The following HPRT1 variants were observed in gnomAD, a reference collection of about 807,000 sequenced individuals.
HPRT1 encodes the protein hypoxanthine phosphoribosyltransferase 1.
In HPRT1, 4 loss-of-function variants were observed where a neutral mutation model predicts 19.0. That is an observed-to-expected ratio of 0.21 (90% CI 0.10 to 0.48). HPRT1 has a LOEUF of 0.48. Ranked by LOEUF, HPRT1 falls within the 20% of genes least tolerant of loss-of-function variation. The pLI is 0.98. For synonymous variants in HPRT1, 53 were observed against 54.9 expected, an observed-to-expected ratio of 0.97 and a Z score of 0.15; for missense variants, 65 against 164.0, an observed-to-expected ratio of 0.40 and a Z score of 3.30.
chrX:134,491,551 G>A lies in HPRT1; in HGVS notation c.402+1346G>A, dbSNP rs181906737. Among the ~76,000 whole-genome samples, 328 of 110,302 alleles carry A rather than the reference G, an allele frequency of 3.0e-3. 1 individual carries two copies. The highest frequency in any genetic ancestry group is 4.7e-3 in the Middle Eastern group (1 of 213). On this transcript the variant is annotated intron_variant, in intron 5 of 8. Coordinates refer to ENST00000298556, the MANE Select transcript of HPRT1 (RefSeq NM_000194.3). ...TTACATTTTTGTTATCCATTCACTG[G>A]TTGACAGACGTTAGGTTGTTTCCAC...
chrX:134,495,325 G>T (rs1040654141), intron 6 of HPRT1, among the ~76,000 whole-genome samples: 1 of 111,070 alleles, frequency 9.0e-6, no homozygotes, highest in African/African-American at 3.3e-5. Context: ...GTTTAGTCTC[G>T]CATTTCACTG....
chrX:134,472,497 A>G (rs915698155), intron 1 of HPRT1, among the ~76,000 whole-genome samples: 1 of 112,155 alleles, frequency 8.9e-6, no homozygotes, highest in African/African-American at 3.2e-5. Flanking sequence ...AGGAAATTCC[A>G]TATCTTATCA....
Position 134,476,715 on chromosome X carries a change from A to G in HPRT1, c.318+1351A>G, listed in dbSNP as rs909058527. Among the ~76,000 whole-genome samples, 7 of 112,148 alleles carry G rather than the reference A, an allele frequency of 6.2e-5. No homozygotes were observed. In the Admixed American group the frequency reaches 6.7e-4, roughly 11 times the overall value. ...TGCAGAATGTTATTTTAGATAAGCA[A>G]AAACGAGCAAAATAGGGGAGTTTAA... is the stretch of plus-strand genomic sequence containing the variant. On this transcript the variant is annotated intron_variant, in intron 3 of 8. Coordinates refer to ENST00000298556, the MANE Select transcript of HPRT1 (RefSeq NM_000194.3).
intron 6 of HPRT1, 122 bp downstream of exon 6, chrX:134,493,712 T>C (rs2124302140): frequency 7.5e-6 from 4 of 532,355 alleles, no homozygotes; most frequent in Non-Finnish European, 1.4e-5. Context: ...TGTAATCTCA[T>C]ATAAGACTTA....
At chrX:134,460,510 G>A in intron 1 of HPRT1, 172 bp downstream of exon 1, 1 of 302,071 alleles carries the variant, frequency 3.3e-6, no homozygotes, top group South Asian at 1.5e-4. Flanking sequence ...GAGGGCGGCA[G>A]GGAGGACGGA....
chrX:134,463,065 C>A (rs1378571961), intron 1 of HPRT1, among the ~76,000 whole-genome samples: 1 of 111,718 alleles, frequency 9.0e-6, no homozygotes, highest in East Asian at 2.8e-4. Flanking sequence ...CAGGCATTAT[C>A]TAATGTAAAC....
chrX:134,484,890 C>T (rs1319812220), intron 3 of HPRT1, among the ~76,000 whole-genome samples: 1 of 111,188 alleles, frequency 9.0e-6, no homozygotes, highest in Non-Finnish European at 1.9e-5. Flanking sequence ...CTCGGGCTGG[C>T]CTTGAACTCC....
At chrX:134,487,633 T>C (rs1368884103) in intron 4 of HPRT1, among the ~76,000 whole-genome samples, 1 of 112,292 alleles carries the variant, frequency 8.9e-6, no homozygotes, top group Non-Finnish European at 1.9e-5. Flanking sequence ...CTTTAGATTT[T>C]AGTGTTCATT....
chrX:134,471,428 C>T (rs1415354876), intron 1 of HPRT1, among the ~76,000 whole-genome samples: 1 of 111,186 alleles, frequency 9.0e-6, no homozygotes, highest in East Asian at 2.8e-4. Flanking sequence ...GCTAGACATA[C>T]CAAGACAACC....
chrX:134,472,126 A>G (rs1181751856), intron 1 of HPRT1, among the ~76,000 whole-genome samples: 1 of 110,428 alleles, frequency 9.1e-6, no homozygotes, highest in Non-Finnish European at 1.9e-5. Context: ...ATGCACCACC[A>G]TACCTGGCAA....
At position 134,460,223 on chromosome X, in the gene HPRT1, C is replaced by T. The variant is rs1197335846; in HGVS notation, c.-89C>T. On this transcript the variant is annotated 5_prime_UTR_variant, in exon 1 of 9. Transcript: ENST00000298556. ...ACCTCTCGGCTTTCCCGCGCGGCGCCGCCTCTTGCTGCGCCTCCGCCTCCT... is the reference window on the plus strand; with the variant it reads ...ACCTCTCGGCTTTCCCGCGCGGCGCTGCCTCTTGCTGCGCCTCCGCCTCCT... 13 of 993,787 alleles carry T rather than the reference C, an allele frequency of 1.3e-5. No individual in the cohort carries two copies. The highest frequency in any genetic ancestry group is 4.2e-5 in the South Asian group (2 of 48,042). 81.9% of individuals were successfully genotyped at this position (993,787 alleles called of 1,213,427 possible).
chrX:134,473,331 C>G lies in HPRT1; in HGVS notation c.28-28C>G, dbSNP rs773541326. ...AAATGTTTGTATCCTGTAATGCTCT[C>G]ATTGAAACAGCTATATTTCTTTTTC... On this transcript the variant is annotated intron_variant, in intron 1 of 8. Transcript: ENST00000298556. 9 of 853,782 alleles carry G rather than the reference C, an allele frequency of 1.1e-5. No individual in the cohort carries two copies. In the South Asian group the frequency reaches 1.8e-4, roughly 17 times the overall value. 70.4% of individuals were successfully genotyped at this position (853,782 alleles called of 1,213,427 possible). A position where few individuals can be genotyped will look rare whatever the true frequency, so the allele number is the denominator to read the frequency against.
chrX:134,479,509 A>T (rs2077633578), intron 3 of HPRT1, among the ~76,000 whole-genome samples: 1 of 112,021 alleles, frequency 8.9e-6, no homozygotes, highest in African/African-American at 3.2e-5. Flanking sequence ...ACCTCTGGTG[A>T]TCCACCCGCC....
intron 3 of HPRT1, among the ~76,000 whole-genome samples, chrX:134,483,631 C>T (rs2077645365): frequency 9.0e-6 from 1 of 110,527 alleles, no homozygotes; most frequent in African/African-American, 3.3e-5. Flanking sequence ...TAGACTTAAC[C>T]ATAATTAAAG....
At chrX:134,499,681 A>G (rs1400809420) in intron 8 of HPRT1, among the ~76,000 whole-genome samples, 4 of 104,688 alleles carry the variant, frequency 3.8e-5, no homozygotes, top group Admixed American at 2.1e-4. Flanking sequence ...GCGGGCGCCT[A>G]TAGTCTCAGC....
rs67231548 is a variant in HPRT1, at chrX:134,490,501, GTATA to G, written c.402+308_402+311del. On this transcript the variant is annotated intron_variant, in intron 5 of 8. Coordinates refer to ENST00000298556, the MANE Select transcript of HPRT1 (RefSeq NM_000194.3). Reference sequence around the variant, plus strand: ...TATACATATATATCTTATATTTTATGTATATATATATATATCTTGCTTAGATTTT... The same window carrying G: ...TATACATATATATCTTATATTTTATGTATATATATATCTTGCTTAGATTTT... Among the ~76,000 whole-genome samples the G allele has an allele frequency of 0.015, 1,522 of 100,608 alleles. 31 individuals are homozygous for G. Among genetic ancestry groups the G allele is most frequent in the African/African-American group, 0.052 (1,445 of 28,039 alleles). The allele number at this position is 100,608 out of a possible 115,157, so 87.4% of individuals were successfully genotyped here.
intron 3 of HPRT1, among the ~76,000 whole-genome samples, chrX:134,482,793 A>G (rs1432760929): frequency 9.3e-6 from 1 of 107,275 alleles, no homozygotes; most frequent in Non-Finnish European, 1.9e-5. Flanking sequence ...TTCTGCATAC[A>G]TATTTTGGAA....
At position 134,493,599 on chromosome X, in the gene HPRT1, G is replaced by A; in HGVS notation, c.485+9G>A. 1 of 1,101,857 alleles carries A rather than the reference G, an allele frequency of 9.1e-7. No homozygotes were observed. The allele number at this position is 1,101,857 out of a possible 1,213,427, so 90.8% of individuals were successfully genotyped here. On this transcript the variant is annotated intron_variant, in intron 6 of 8. Coordinates refer to ENST00000298556, the MANE Select transcript of HPRT1 (RefSeq NM_000194.3). ...ATGGTCAAGGTCGCAAGGTATGTATGACATTTTGACACAGAATATTTTCCT... is the reference window on the plus strand; with the variant it reads ...ATGGTCAAGGTCGCAAGGTATGTATAACATTTTGACACAGAATATTTTCCT...
At chrX:134,492,607 A>G (rs1324089674) in intron 5 of HPRT1, 2 of 317,629 alleles carry the variant, frequency 6.3e-6, no homozygotes, top group Non-Finnish European at 6.1e-6. Flanking sequence ...TTAAAGGCTC[A>G]TGCCCTAGCC....
Sources: allele counts gnomAD v4.1 joint callset (sites outside exome capture counted in the v4.1 genomes callset), GRCh38; gene constraint gnomAD v4.1.1; transcripts MANE v1.5; gene names NCBI Gene and HGNC (gene_info 2026-07-23, HGNC 2026-07-21).